NCAM2: variants seen among roughly 807,000 people sequenced by gnomAD.
NCAM2 encodes neural cell adhesion molecule 2.
A neutral mutation model predicts 98.1 loss-of-function variants in NCAM2; 30 were observed. The observed-to-expected ratio is 0.31, with a 90% confidence interval of 0.23 to 0.41. The LOEUF is 0.41. Ranked by LOEUF, NCAM2 falls within the 10% of genes least tolerant of loss-of-function variation. The pLI, the probability that NCAM2 is intolerant of heterozygous loss-of-function variation, is 1.00. For synonymous variants in NCAM2, 368 were observed against 342.4 expected, an observed-to-expected ratio of 1.07 and a Z score of -0.83; for missense variants, 867 against 1,005.8, an observed-to-expected ratio of 0.86 and a Z score of 1.87.
chr21:21,087,440 C>T (rs973326969), intron 1 of NCAM2, among the ~76,000 whole-genome samples: 1 of 152,092 alleles, frequency 6.6e-6, no homozygotes, highest in African/African-American at 2.4e-5. Context: ...GAGCACAGTC[C>T]ACACAGCTCT....
At chr21:21,076,991 G>T (rs981421018) in intron 1 of NCAM2, among the ~76,000 whole-genome samples, 1 of 152,100 alleles carries the variant, frequency 6.6e-6, no homozygotes, top group African/African-American at 2.4e-5. Flanking sequence ...TCAGAGTTTG[G>T]TCATAAGAGA....
intron 1 of NCAM2, among the ~76,000 whole-genome samples, chr21:21,265,168 A>G (rs1394792069): frequency 8.3e-6 from 1 of 120,694 alleles, no homozygotes; most frequent in African/African-American, 3.0e-5. Context: ...ACTTATATAT[A>G]TTATATATGT....
At chr21:21,119,649 A>G (rs1253075285) in intron 1 of NCAM2, among the ~76,000 whole-genome samples, 7 of 152,176 alleles carry the variant, frequency 4.6e-5, no homozygotes, top group African/African-American at 7.2e-5. Flanking sequence ...AATAATGCAG[A>G]TTTCTTAAGG....
At chr21:21,450,771 CATGT>C (rs147604225) in intron 12 of NCAM2, among the ~76,000 whole-genome samples, 4 of 135,682 alleles carry the variant, frequency 2.9e-5, no homozygotes, top group South Asian at 2.3e-4. Flanking sequence ...TCCTCCCCAT[CATGT>C]ATGTATGTAT....
At chr21:21,495,422 C>G (rs941105344) in intron 15 of NCAM2, among the ~76,000 whole-genome samples, 4 of 151,912 alleles carry the variant, frequency 2.6e-5, no homozygotes, top group Non-Finnish European at 5.9e-5. Flanking sequence ...GAAGACTGGA[C>G]AGACATTTAA....
chr21:21,479,341 T>C (rs975425532), intron 15 of NCAM2, among the ~76,000 whole-genome samples: 3 of 151,822 alleles, frequency 2.0e-5, no homozygotes, highest in South Asian at 2.1e-4. Flanking sequence ...CCCAGCACTT[T>C]GAGAGGCCCA....
chr21:21,370,329 G>A (rs977381614), intron 8 of NCAM2, among the ~76,000 whole-genome samples: 2 of 151,674 alleles, frequency 1.3e-5, no homozygotes, highest in East Asian at 1.9e-4. Flanking sequence ...AAGTAAACGT[G>A]CTAATTTATT....
chr21:21,259,361 C>G (rs1169577412), intron 1 of NCAM2, among the ~76,000 whole-genome samples: 2 of 151,516 alleles, frequency 1.3e-5, no homozygotes, highest in East Asian at 1.9e-4. Context: ...ACCGTATGAA[C>G]TGAAAGTCGT....
chr21:21,359,540 T>C (rs2075589596), intron 8 of NCAM2, among the ~76,000 whole-genome samples: 1 of 151,980 alleles, frequency 6.6e-6, no homozygotes, highest in African/African-American at 2.4e-5. Flanking sequence ...TTTTGAAGTC[T>C]ATAATAAGAC....
chr21:21,198,168 T>A (rs1424392469), intron 1 of NCAM2, among the ~76,000 whole-genome samples: 1 of 149,472 alleles, frequency 6.7e-6, no homozygotes, highest in Non-Finnish European at 1.5e-5. Flanking sequence ...GTTATTTTTT[T>A]AAATATGTAA....
rs574001844 is a variant in NCAM2 at position 21,356,385 on chromosome 21, A to T, written c.1045-17478A>T. 2.0e-5 allele frequency among the ~76,000 whole-genome samples: 3 copies of T among 152,204 alleles called. No homozygotes were observed. In the South Asian group the frequency reaches 6.2e-4, roughly 32 times the overall value. ...AAACTTTATATTTTAAAAATTATTT[A>T]TTTAAGCCAGGTTTATTGGAAGACA... is the stretch of plus-strand genomic sequence containing the variant. On this transcript the variant is annotated intron_variant, in intron 8 of 17. Transcript: ENST00000400546.
At chr21:21,280,846 A>T (rs1314507894) in intron 2 of NCAM2, among the ~76,000 whole-genome samples, 194 bp downstream of exon 2, 1 of 151,116 alleles carries the variant, frequency 6.6e-6, no homozygotes, top group Non-Finnish European at 1.5e-5. Context: ...CGGTAGTGTG[A>T]TCTCGGCTCA....
intron 12 of NCAM2, among the ~76,000 whole-genome samples, chr21:21,447,652 A>G (rs143246509): frequency 2.6e-4 from 40 of 152,308 alleles, no homozygotes; most frequent in Middle Eastern, 3.4e-3. Flanking sequence ...CCATCTGACA[A>G]AAGTCTGATA....
Position 21,453,020 on chromosome 21 carries a change from T to A in NCAM2, c.1655-13586T>A, listed in dbSNP as rs1158191317. Among the ~76,000 whole-genome samples, 190 of 106,642 alleles carry A rather than the reference T, an allele frequency of 1.8e-3. 1 individual carries two copies. The highest frequency in any genetic ancestry group is 2.9e-3 in the Non-Finnish European group (165 of 57,162). The allele number at this position is 106,642 out of a possible 152,430, so 70.0% of individuals were successfully genotyped here. On this transcript the variant is annotated intron_variant, in intron 12 of 17. Coordinates refer to ENST00000400546, the MANE Select transcript of NCAM2 (RefSeq NM_004540.5). Reference sequence around the variant, plus strand: ...ATATAATATATAATATATAAAAATATATAATATATAAAAATAATATATACA... The same window carrying A: ...ATATAATATATAATATATAAAAATAAATAATATATAAAAATAATATATACA...
intron 1 of NCAM2, among the ~76,000 whole-genome samples, chr21:21,261,508 A>G (rs1451308118): frequency 6.6e-6 from 1 of 152,162 alleles, no homozygotes; most frequent in African/African-American, 2.4e-5. Context: ...TTGTCGGACA[A>G]CAGTGGAATA....
intron 9 of NCAM2, among the ~76,000 whole-genome samples, chr21:21,396,176 A>G (rs1173580126): frequency 6.7e-6 from 1 of 148,984 alleles, no homozygotes; most frequent in Non-Finnish European, 1.5e-5. Context: ...AAAAAAAAAT[A>G]CCATCAATAA....
At chr21:21,435,966 A>G (rs1275374208) in intron 12 of NCAM2, among the ~76,000 whole-genome samples, 1 of 152,174 alleles carries the variant, frequency 6.6e-6, no homozygotes. Context: ...GTACCCAGGG[A>G]AAGAAGCTGA....
intron 12 of NCAM2, among the ~76,000 whole-genome samples, chr21:21,452,043 T>C (rs1981160674): frequency 6.6e-6 from 1 of 152,070 alleles, no homozygotes; most frequent in South Asian, 2.1e-4. Flanking sequence ...GCTCAGATTC[T>C]GAATAGCTTT....
At chr21:21,464,919 T>C (rs994929825) in intron 12 of NCAM2, among the ~76,000 whole-genome samples, 5 of 152,094 alleles carry the variant, frequency 3.3e-5, no homozygotes, top group African/African-American at 1.2e-4. Flanking sequence ...CAGCTTCTAA[T>C]CAGTAGGATT....
Sources: allele counts gnomAD v4.1 joint callset (sites outside exome capture counted in the v4.1 genomes callset), GRCh38; gene constraint gnomAD v4.1.1; transcripts MANE v1.5; gene names NCBI Gene and HGNC (gene_info 2026-07-23, HGNC 2026-07-21).